Variants in SGCZ observed in about 807,000 individuals in gnomAD.
The protein encoded by SGCZ is sarcoglycan zeta.
SGCZ carries 40 observed loss-of-function variants against 41.3 expected under a neutral mutation model. The ratio of observed to expected loss-of-function variants is 0.97; its 90% CI spans 0.75 to 1.26. SGCZ has a LOEUF of 1.26. SGCZ is among the 50% of genes most tolerant of loss of function. The probability of loss-of-function intolerance (pLI) is 0.00; values close to 1 mark genes in which losing one functional copy is unlikely to be tolerated. For synonymous variants in SGCZ, 206 were observed against 137.5 expected (o/e 1.50, Z -3.49); for missense variants, 552 against 369.8 (o/e 1.49, Z -4.04).
chr8:15,085,962 A>C (rs1259946109), intron 1 of SGCZ, among the ~76,000 whole-genome samples: 1 of 152,162 alleles, frequency 6.6e-6, no homozygotes, highest in African/African-American at 2.4e-5. Flanking sequence ...GCTGTTCCGG[A>C]ATGGAATTAT....
chr8:14,184,246 T>C (rs1411596967), intron 4 of SGCZ, among the ~76,000 whole-genome samples: 2 of 152,148 alleles, frequency 1.3e-5, no homozygotes, highest in Non-Finnish European at 2.9e-5. Flanking sequence ...TGTGTACAGA[T>C]TATCTGTGAT....
chr8:14,188,087 G>T (rs1453487478), intron 4 of SGCZ, among the ~76,000 whole-genome samples: 1 of 152,134 alleles, frequency 6.6e-6, no homozygotes, highest in East Asian at 1.9e-4. Flanking sequence ...TCTATAGGCA[G>T]CAAACTATCT....
At chr8:15,024,179 T>G (rs1803361791) in intron 1 of SGCZ, among the ~76,000 whole-genome samples, 1 of 152,198 alleles carries the variant, frequency 6.6e-6, no homozygotes, top group Non-Finnish European at 1.5e-5. Context: ...ACTTTGCAGA[T>G]AACCAGGCAC....
intron 1 of SGCZ, among the ~76,000 whole-genome samples, chr8:14,607,442 A>C (rs1439889397): frequency 6.6e-6 from 1 of 152,188 alleles, no homozygotes; most frequent in Non-Finnish European, 1.5e-5. Context: ...TAGGTAATTC[A>C]ATACTAGTTC....
At chr8:14,433,945 T>C (rs1481506267) in intron 2 of SGCZ, among the ~76,000 whole-genome samples, 4 of 151,754 alleles carry the variant, frequency 2.6e-5, no homozygotes, top group African/African-American at 9.7e-5. Context: ...AGAATTACTA[T>C]ATTTTACCAT....
intron 4 of SGCZ, among the ~76,000 whole-genome samples, chr8:14,206,054 T>G (rs1252134720): frequency 6.6e-6 from 1 of 152,096 alleles, no homozygotes; most frequent in Non-Finnish European, 1.5e-5. Flanking sequence ...CATTATATGA[T>G]TATCTAATTA....
intron 1 of SGCZ, among the ~76,000 whole-genome samples, chr8:14,614,525 T>C (rs1806032793): frequency 6.6e-6 from 1 of 152,186 alleles, no homozygotes; most frequent in African/African-American, 2.4e-5. Flanking sequence ...TCTTTCAAGA[T>C]ATATCTATTA....
chr8:14,108,366 G>T, intron 5 of SGCZ, 131 bp from the exon 6 acceptor site: 1 of 698,776 alleles, frequency 1.4e-6, no homozygotes, highest in East Asian at 2.8e-5. Context: ...GTATTAGTCC[G>T]TTTTCACACT....
chr8:14,711,432 A>T (rs1809510989), intron 1 of SGCZ, among the ~76,000 whole-genome samples: 1 of 114,336 alleles, frequency 8.7e-6, no homozygotes. Context: ...TCTACTAAAA[A>T]TACAAAAAAA....
At chr8:14,904,218 TC>T (rs1563352112) in intron 1 of SGCZ, among the ~76,000 whole-genome samples, 1 of 152,040 alleles carries the variant, frequency 6.6e-6, no homozygotes, top group Admixed American at 6.6e-5. Context: ...TGAAAATTCT[TC>T]CCCCTGAACT....
chr8:14,570,466 A>G (rs780144491), intron 1 of SGCZ, among the ~76,000 whole-genome samples: 40 of 152,214 alleles, frequency 2.6e-4, no homozygotes, highest in Non-Finnish European at 4.3e-4. Flanking sequence ...GCAAGGGTAG[A>G]TTCACCTACC....
chr8:14,874,844 G>C (rs887766446), intron 1 of SGCZ, among the ~76,000 whole-genome samples: 2 of 152,108 alleles, frequency 1.3e-5, no homozygotes, highest in Admixed American at 6.6e-5. Flanking sequence ...CCTTCCTCCA[G>C]TTATCCATTC....
chr8:14,645,482 A>ATATATATATATATTTATATT (rs1458302869), intron 1 of SGCZ, among the ~76,000 whole-genome samples: 4 of 106,966 alleles, frequency 3.7e-5, no homozygotes, highest in Non-Finnish European at 6.6e-5. Context: ...ATATATTTAT[A>ATATATATATATATTTATATT]TGTATATATA....
chr8:15,126,273 A>G (rs948351930), intron 1 of SGCZ, among the ~76,000 whole-genome samples: 1 of 152,252 alleles, frequency 6.6e-6, no homozygotes, highest in Non-Finnish European at 1.5e-5. Flanking sequence ...CTACAAGTAG[A>G]AAATTTATAC....
Position 14,088,084 on chromosome 8 carries a change from T to C in SGCZ, c.*2359A>G, listed in dbSNP as rs1801577523. Among the ~76,000 whole-genome samples the C allele has an allele frequency of 6.6e-6, 1 of 151,812 alleles. No homozygotes were observed. The highest frequency in any genetic ancestry group is 1.5e-5 in the Non-Finnish European group (1 of 67,796). On this transcript the variant is annotated 3_prime_UTR_variant, in exon 8 of 8. Transcript: ENST00000382080. ...TCTTTTTTTCTCACTTTTTTTTTCA[T>C]CTTTTCTCCTCTTATGACATATAAT...
At chr8:14,312,940 C>T (rs1251921608) in intron 3 of SGCZ, among the ~76,000 whole-genome samples, 2 of 152,092 alleles carry the variant, frequency 1.3e-5, no homozygotes, top group Non-Finnish European at 2.9e-5. Context: ...TAGACATTCC[C>T]TTCACCTTCT....
chr8:15,073,608 T>A (rs188037590), intron 1 of SGCZ, among the ~76,000 whole-genome samples: 58 of 152,250 alleles, frequency 3.8e-4, no homozygotes, highest in African/African-American at 1.4e-3. Flanking sequence ...CTCCATAATG[T>A]GGGTGGGCCT....
intron 3 of SGCZ, among the ~76,000 whole-genome samples, chr8:14,307,338 T>C (rs1475649469): frequency 6.6e-6 from 1 of 152,250 alleles, no homozygotes; most frequent in East Asian, 1.9e-4. Context: ...CTACACAAAG[T>C]AAATTTCAAT....
intron 5 of SGCZ, among the ~76,000 whole-genome samples, chr8:14,120,365 C>T (rs977235022): frequency 6.6e-6 from 1 of 152,108 alleles, no homozygotes; most frequent in African/African-American, 2.4e-5. Context: ...AAGTAAATTT[C>T]TCCACCTGAA....
Sources: allele counts gnomAD v4.1 joint callset (sites outside exome capture counted in the v4.1 genomes callset), GRCh38; gene constraint gnomAD v4.1.1; transcripts MANE v1.5; gene names NCBI Gene and HGNC (gene_info 2026-07-23, HGNC 2026-07-21).